The following RINT1 variants were observed in gnomAD, a reference collection of about 807,000 sequenced individuals.
RINT1 encodes RAD50-interacting protein 1.
Under a neutral mutation model 97.7 loss-of-function variants are expected in RINT1, and 75 were observed. The observed-to-expected ratio is 0.77, with a 90% CI of 0.64 to 0.93. The LOEUF (loss-of-function observed/expected upper bound fraction) is 0.93. RINT1 is among the 40% of genes least tolerant of loss of function. The probability of loss-of-function intolerance (pLI) is 0.00; values close to 1 mark genes in which losing one functional copy is unlikely to be tolerated. For missense variants in RINT1, 892 were observed against 925.2 expected, an observed-to-expected ratio of 0.96 and a Z score of 0.47; for synonymous variants, 303 against 326.3, an observed-to-expected ratio of 0.93 and a Z score of 0.77.
Position 105,563,882 on chromosome 7 carries a change from G to A in RINT1, c.1821G>A (p.Leu607=), listed in dbSNP as rs972888556. 7 of 1,613,928 alleles carry A rather than the reference G, an allele frequency of 4.3e-6. No individual in the cohort carries two copies. Among genetic ancestry groups the A allele is most frequent in the South Asian group, 3.3e-5 (3 of 91,074 alleles). ...TAGAACGTTTAAAGCATGATATGTT[G>A]ACCCGTCAAGTAGACCACGTTTTTA... The part of the protein sequence containing the change: ...NLLERLKHDM[L]TRQVDHVFRE... Residue 607 remains leucine, a synonymous_variant, in exon 12 of 15, where the codon TTG becomes TTA. Coordinates refer to ENST00000257700, the MANE Select transcript of RINT1 (RefSeq NM_021930.6).
intron 9 of RINT1, 25 bp downstream of exon 9, chr7:105,550,511 T>C: frequency 6.7e-7 from 1 of 1,500,598 alleles, no homozygotes; most frequent in Non-Finnish European, 9.3e-7. Flanking sequence ...GGCCAGATGG[T>C]AGGGAGATAT....
chr7:105,564,944 A>G (rs748677540), intron 12 of RINT1, among the ~76,000 whole-genome samples: 1 of 152,182 alleles, frequency 6.6e-6, no homozygotes, highest in Non-Finnish European at 1.5e-5. Context: ...AGCCTGGCCA[A>G]CAGAGCGAGA....
Position 105,561,176 on chromosome 7 carries a change from T to C in RINT1, c.1672-2557T>C, listed in dbSNP as rs78440881. On this transcript the variant is annotated intron_variant, in intron 11 of 14. Transcript: ENST00000257700. ...TTTGGAAAAATAAAATTTCAGACCT[T>C]TATAATCTTATGCTTAAATGCTTGT... Among the ~76,000 whole-genome samples the C allele has an allele frequency of 5.5e-3, 833 of 152,274 alleles. 15 individuals carry two copies. Among genetic ancestry groups the C allele is most frequent in the East Asian group, 0.035 (183 of 5,190 alleles).
intron 3 of RINT1, among the ~76,000 whole-genome samples, chr7:105,540,588 GGGTTTC>G (rs1790416143): frequency 6.6e-6 from 1 of 152,028 alleles, no homozygotes; most frequent in Non-Finnish European, 1.5e-5. Flanking sequence ...AGTAGAGACA[GGGTTTC>G]ACCATGTTGG....
chr7:105,562,834 C>T (rs934440018), intron 11 of RINT1, among the ~76,000 whole-genome samples: 44 of 152,112 alleles, frequency 2.9e-4, no homozygotes, highest in African/African-American at 1.0e-3. Context: ...ACCCGGGAGG[C>T]GGAGACTGCA....
intron 3 of RINT1, 163 bp from the exon 4 acceptor site, chr7:105,542,245 G>T (rs1360883530): frequency 1.7e-6 from 1 of 595,878 alleles, no homozygotes; most frequent in Non-Finnish European, 3.0e-6. Flanking sequence ...TGAGGTGGGA[G>T]GATTGGTTGA....
chr7:105,541,141 AT>A (rs796165536), intron 3 of RINT1, among the ~76,000 whole-genome samples: 1,475 of 125,022 alleles, frequency 0.012, 17 homozygotes, highest in African/African-American at 0.042. Flanking sequence ...CCCAGCTTGC[AT>A]TTTTTTTTTT....
At chr7:105,545,432 G>C (rs1393361485) in intron 4 of RINT1, among the ~76,000 whole-genome samples, 1 of 147,912 alleles carries the variant, frequency 6.8e-6, no homozygotes, top group African/African-American at 2.5e-5. Flanking sequence ...CAGCCTAGGT[G>C]ACAGAGTGAG....
intron 4 of RINT1, among the ~76,000 whole-genome samples, chr7:105,546,547 G>A (rs928280988): frequency 2.0e-5 from 3 of 152,044 alleles, no homozygotes; most frequent in Non-Finnish European, 2.9e-5. Flanking sequence ...CACTTTTTCC[G>A]AATTTGAAAT....
rs1407620315 is a variant in RINT1 at position 105,547,019 on chromosome 7, C to A, written c.625C>A (p.Leu209Ile). The change falls in exon 5 of 15, where the codon CTT becomes ATT. Residue 209 changes from leucine to isoleucine, a missense_variant. Coordinates refer to ENST00000257700, the MANE Select transcript of RINT1 (RefSeq NM_021930.6). ...IKLQESSCTHLLGFMRATVKF... is the reference protein window; with the variant it reads ...IKLQESSCTHILGFMRATVKF... The stretch of plus-strand genomic sequence containing the variant: ...ACTTCAGGAATCATCTTGTACTCAT[C>A]TTCTTGGTTTCATGAGAGCCACAGT... The A allele has an allele frequency of 6.2e-7, 1 of 1,613,846 alleles. No homozygotes were observed. The highest frequency in any genetic ancestry group is 8.5e-7 in the Non-Finnish European group (1 of 1,179,870).
At chr7:105,548,189 C>T (rs818628) in intron 6 of RINT1, among the ~76,000 whole-genome samples, 2 of 151,678 alleles carry the variant, frequency 1.3e-5, no homozygotes, top group Non-Finnish European at 2.9e-5. Context: ...CACCATGCCC[C>T]GCTAATTTTT....
intron 3 of RINT1, chr7:105,542,125 T>A (rs1482832882): frequency 4.0e-6 from 1 of 252,286 alleles, no homozygotes; most frequent in Non-Finnish European, 7.5e-6. Flanking sequence ...ATAAAAAAGG[T>A]TACATACAGC....
Position 105,567,174 on chromosome 7 carries a change from A to T in RINT1, c.2242A>T (p.Lys748Ter). The T allele has an allele frequency of 6.2e-7, 1 of 1,606,886 alleles. No individual in the cohort carries two copies. The highest frequency in any genetic ancestry group is 8.5e-7 in the Non-Finnish European group (1 of 1,178,108). ...NLNVGSALLL[K>*]DVLQSASGQL... ...GAACGTCGGTTCTGCACTACTGCTG[A>T]AAGATGTACTGCAGTCAGCTTCAGG... Residue 748 changes from lysine to a stop codon, truncating the protein, a stop_gained, in exon 15 of 15, where the codon AAA becomes TAA. Transcript: ENST00000257700. LOFTEE classifies it high-confidence loss of function.
At chr7:105,564,629 CAG>C (rs1444086010) in intron 12 of RINT1, among the ~76,000 whole-genome samples, 1 of 152,172 alleles carries the variant, frequency 6.6e-6, no homozygotes, top group African/African-American at 2.4e-5. Context: ...CCCTGCCACA[CAG>C]AGTGCTTAAA....
intron 11 of RINT1, among the ~76,000 whole-genome samples, chr7:105,561,272 A>C (rs1288895239): frequency 6.6e-6 from 1 of 152,098 alleles, no homozygotes; most frequent in Non-Finnish European, 1.5e-5. Flanking sequence ...TCACACCTGT[A>C]ATCTCAGCAC....
In RINT1 at chr7:105,555,112, G is replaced by A. The variant is rs1409650879; in HGVS notation, c.1556G>A (p.Arg519Gln). The A allele has an allele frequency of 6.2e-7, 1 of 1,613,864 alleles. No homozygotes were observed. Among genetic ancestry groups the A allele is most frequent in the Non-Finnish European group, 8.5e-7 (1 of 1,179,970 alleles). Residue 519 changes from arginine to glutamine, a missense_variant, in exon 11 of 15, where the codon CGA (arginine) becomes CAA (glutamine). By Grantham distance (43) the Arg-to-Gln change is conservative (BLOSUM62 1). Coordinates refer to ENST00000257700, the MANE Select transcript of RINT1 (RefSeq NM_021930.6). ...QKDLVDDFRI[R>Q]LTQVMKEETR... ...GACTTAGTAGATGATTTTAGGATAC[G>A]ATTAACACAAGTGATGAAAGAAGAG...
chr7:105,550,509 G>A (rs1790884577), intron 9 of RINT1, 23 bp downstream of exon 9: 2 of 1,523,808 alleles, frequency 1.3e-6, no homozygotes, highest in Non-Finnish European at 1.8e-6. Context: ...GTGGCCAGAT[G>A]GTAGGGAGAT....
In RINT1 at chr7:105,547,084, G is replaced by A; in HGVS notation, c.689+1G>A. On this transcript the variant is annotated splice_donor_variant, in intron 5 of 14. Coordinates refer to ENST00000257700, the MANE Select transcript of RINT1 (RefSeq NM_021930.6). LOFTEE classifies it high-confidence loss of function. ...AAATTCTCAAGGACAAGCTTACAAG[G>A]TAGGGAATTTACCCATATTTTGTGG... 2 of 1,613,672 alleles carry A rather than the reference G, an allele frequency of 1.2e-6. No individual in the cohort carries two copies. Among genetic ancestry groups the A allele is most frequent in the South Asian group, 2.2e-5 (2 of 90,970 alleles).
At chr7:105,535,206 G>A (rs1345477588) in intron 2 of RINT1, among the ~76,000 whole-genome samples, 1 of 150,260 alleles carries the variant, frequency 6.7e-6, no homozygotes, top group South Asian at 2.1e-4. Flanking sequence ...CAATGACATC[G>A]ATGACATTTG....
Sources: allele counts gnomAD v4.1 joint callset (sites outside exome capture counted in the v4.1 genomes callset), GRCh38; gene constraint gnomAD v4.1.1; transcripts MANE v1.5; gene names NCBI Gene and HGNC (gene_info 2026-07-23, HGNC 2026-07-21).